The following DCC variants were observed in gnomAD, a reference collection of about 807,000 sequenced individuals.
The protein encoded by DCC is DCC netrin 1 receptor, also known as netrin receptor DCC.
Under a neutral mutation model 172.5 loss-of-function variants are expected in DCC, and 58 were observed. That is an observed-to-expected ratio of 0.34 (90% CI 0.27 to 0.42). The LOEUF is 0.42. DCC is among the 10% of genes least tolerant of loss of function. DCC has a pLI of 1.00. For synonymous variants in DCC, 709 were observed against 644.5 expected, an observed-to-expected ratio of 1.10 and a Z score of -1.52; for missense variants, 1,740 against 1,791.0, an observed-to-expected ratio of 0.97 and a Z score of 0.51.
intron 2 of DCC, among the ~76,000 whole-genome samples, chr18:52,792,975 T>TGTG (rs2145209658): frequency 6.6e-6 from 1 of 152,226 alleles, no homozygotes; most frequent in South Asian, 2.1e-4. Context: ...CACAGACACA[T>TGTG]GTGGGTGGGT....
At chr18:52,370,528 A>G (rs993563808) in intron 1 of DCC, among the ~76,000 whole-genome samples, 2 of 152,198 alleles carry the variant, frequency 1.3e-5, no homozygotes, top group Non-Finnish European at 2.9e-5. Flanking sequence ...ACACATGGAC[A>G]CATTGGGGGG....
chr18:53,411,129 A>G (rs997454482), intron 20 of DCC, among the ~76,000 whole-genome samples: 8 of 117,924 alleles, frequency 6.8e-5, no homozygotes, highest in Non-Finnish European at 1.3e-4. Flanking sequence ...GGTAGAAACT[A>G]TAAAAAAGTT....
Position 53,205,312 on chromosome 18 carries a change from C to T in DCC, c.1670C>T (p.Pro557Leu), listed in dbSNP as rs2144549871. 8 of 1,613,818 alleles carry T rather than the reference C, an allele frequency of 5.0e-6. No individual in the cohort carries two copies. The East Asian group carries it at 1.8e-4, about 36-fold the overall frequency. Residue 557 changes from proline (P) to leucine (L), a missense_variant, in exon 10 of 29, where the codon CCA (proline) becomes CTA (leucine). Physicochemically the swap from Pro to Leu is moderately conservative, Grantham distance 98. Transcript: ENST00000442544. ...GAACCCCCTGCCTATGCAAACGGTC[C>T]AGTCCAAGGTTACAGATTGTTCTGC... ...TWEPPAYANG[P>L]VQGYRLFCTE...
intron 15 of DCC, among the ~76,000 whole-genome samples, chr18:53,347,262 G>T (rs558066453): frequency 6.6e-6 from 1 of 152,266 alleles, no homozygotes; most frequent in South Asian, 2.1e-4. Flanking sequence ...TAATTCCAAC[G>T]CTGGTCGCTT....
chr18:52,909,476 A>G (rs551295662), intron 3 of DCC, among the ~76,000 whole-genome samples: 2 of 152,278 alleles, frequency 1.3e-5, no homozygotes, highest in East Asian at 3.9e-4. Context: ...AATTTTTACC[A>G]TAGTTCATAA....
At position 53,212,924 on chromosome 18, in the gene DCC, G is replaced by T. The variant is rs955663675; in HGVS notation, c.1862-2624G>T. The stretch of plus-strand genomic sequence containing the variant: ...TGACCTCAAGTGAGCCACCTCCCTC[G>T]GGCTCCCAAAGTGCTGGGATTACAG... On this transcript the variant is annotated intron_variant, in intron 11 of 28. Coordinates refer to ENST00000442544, the MANE Select transcript of DCC (RefSeq NM_005215.4). Among the ~76,000 whole-genome samples the T allele has an allele frequency of 1.4e-4, 21 of 152,018 alleles. No homozygotes were observed. The East Asian group carries it at 4.1e-3, about 29-fold the overall frequency.
intron 3 of DCC, among the ~76,000 whole-genome samples, chr18:52,908,344 G>A (rs908002897): frequency 3.9e-5 from 6 of 152,180 alleles, no homozygotes; most frequent in African/African-American, 9.6e-5. Flanking sequence ...CATTTCATCC[G>A]CTAGGCAATG....
At chr18:52,855,684 G>T (rs1598870694) in intron 2 of DCC, among the ~76,000 whole-genome samples, 1 of 151,410 alleles carries the variant, frequency 6.6e-6, no homozygotes, top group South Asian at 2.1e-4. Context: ...ATGTGATATT[G>T]TTAGAGGGGC....
intron 2 of DCC, among the ~76,000 whole-genome samples, chr18:52,845,954 T>C (rs1436230327): frequency 6.6e-6 from 1 of 152,216 alleles, no homozygotes; most frequent in East Asian, 1.9e-4. Flanking sequence ...CCTTTTACTG[T>C]GTACATGGAG....
intron 12 of DCC, among the ~76,000 whole-genome samples, chr18:53,283,915 C>CAAAT (rs56343590): frequency 0.9 from 137,037 of 151,978 alleles, 61,880 homozygotes; most frequent in Admixed American, 0.93. Flanking sequence ...AGCTAAAAAA[C>CAAAT]AAACAGATCA....
intron 15 of DCC, among the ~76,000 whole-genome samples, chr18:53,361,796 A>G (rs1263728676): frequency 6.6e-6 from 1 of 151,626 alleles, no homozygotes. Context: ...TCTTGTTAAG[A>G]GAAAAGCATA....
chr18:52,607,278 T>C (rs2034152422), intron 1 of DCC, among the ~76,000 whole-genome samples: 2 of 152,094 alleles, frequency 1.3e-5, no homozygotes, highest in Admixed American at 6.6e-5. Flanking sequence ...CTGGGGCCAT[T>C]AATCAGGATT....
chr18:52,691,493 C>T (rs111818052), intron 1 of DCC, among the ~76,000 whole-genome samples: 6 of 152,098 alleles, frequency 3.9e-5, no homozygotes, highest in Non-Finnish European at 7.4e-5. Context: ...CCTGTTTTGT[C>T]TCCTCCAGAT....
intron 1 of DCC, among the ~76,000 whole-genome samples, chr18:52,733,519 G>C (rs2145098137): frequency 6.6e-6 from 1 of 152,130 alleles, no homozygotes; most frequent in African/African-American, 2.4e-5. Context: ...GTTTGAGACA[G>C]GGTCTCACTC....
rs192011320 is a variant in DCC at position 52,914,238 on chromosome 18, C to T, written c.697+7910C>T. On this transcript the variant is annotated intron_variant, in intron 3 of 28. Coordinates refer to ENST00000442544, the MANE Select transcript of DCC (RefSeq NM_005215.4). The stretch of plus-strand genomic sequence containing the variant: ...TCTAAAAATAAAAAAAAATCACTTC[C>T]TTCAGACTTGCTACAAAATGAATCT... Among the ~76,000 whole-genome samples the T allele has an allele frequency of 1.4e-4, 22 of 152,146 alleles. No individual in the cohort carries two copies. The East Asian group carries it at 4.1e-3, about 28-fold the overall frequency.
chr18:52,474,205 C>A (rs1989024502), intron 1 of DCC, among the ~76,000 whole-genome samples: 3 of 68,608 alleles, frequency 4.4e-5, no homozygotes, highest in Admixed American at 1.9e-4. Context: ...TGTAACAGAC[C>A]TAGAGAGAGA....
chr18:53,235,631 C>T (rs1459243596), intron 12 of DCC, among the ~76,000 whole-genome samples: 1 of 152,104 alleles, frequency 6.6e-6, no homozygotes, highest in Non-Finnish European at 1.5e-5. Context: ...ATACATAACA[C>T]AACATTTACC....
intron 2 of DCC, among the ~76,000 whole-genome samples, chr18:52,780,320 A>G (rs1313361637): frequency 6.6e-6 from 1 of 152,182 alleles, no homozygotes; most frequent in Non-Finnish European, 1.5e-5. Flanking sequence ...CAGTTTTGAG[A>G]TTAATAAAAT....
chr18:52,872,174 G>A (rs1254801098), intron 2 of DCC, among the ~76,000 whole-genome samples: 3 of 152,166 alleles, frequency 2.0e-5, no homozygotes, highest in Non-Finnish European at 4.4e-5. Context: ...GGGTTCAGGA[G>A]CTTATATGCA....
Sources: allele counts gnomAD v4.1 joint callset (sites outside exome capture counted in the v4.1 genomes callset), GRCh38; gene constraint gnomAD v4.1.1; transcripts MANE v1.5; gene names NCBI Gene and HGNC (gene_info 2026-07-23, HGNC 2026-07-21).